ZC3H18: variants seen among roughly 807,000 people sequenced by gnomAD.
The protein encoded by ZC3H18 is zinc finger CCCH domain-containing protein 18.
Under a neutral mutation model 106.1 loss-of-function variants are expected in ZC3H18, and 8 were observed. The ratio of observed to expected loss-of-function variants is 0.08; its 90% CI spans 0.04 to 0.14. ZC3H18 has a LOEUF of 0.14. ZC3H18 is among the 10% of genes least tolerant of loss of function. The probability of loss-of-function intolerance (pLI) is 1.00; values close to 1 mark genes in which losing one functional copy is unlikely to be tolerated. For synonymous variants in ZC3H18, 635 were observed against 522.1 expected (o/e 1.22, Z -2.95); for missense variants, 1,318 against 1,278.4 (o/e 1.03, Z -0.47).
chr16:88,622,368 C>G lies in ZC3H18; in HGVS notation c.1647C>G (p.Ala549=), dbSNP rs1792499373. The G allele has an allele frequency of 1.2e-6, 2 of 1,610,882 alleles. No homozygotes were observed. The highest frequency in any genetic ancestry group is 1.7e-5 in the Admixed American group (1 of 59,678). Residue 549 remains alanine (A), a synonymous_variant, in exon 9 of 18, where the codon GCC becomes GCG. Transcript: ENST00000301011. ...RRRRKTSASS[A]SASNSSRSSS... ...GTCGGAAAACATCAGCCTCGTCAGCCTCTGCCTCTAATTCCTCCAGGTAAG... is the reference window on the plus strand; with the variant it reads ...GTCGGAAAACATCAGCCTCGTCAGCGTCTGCCTCTAATTCCTCCAGGTAAG...
At chr16:88,590,726 A>G (rs2142616319) in intron 3 of ZC3H18, among the ~76,000 whole-genome samples, 1 of 150,850 alleles carries the variant, frequency 6.6e-6, no homozygotes, top group South Asian at 2.1e-4. Flanking sequence ...CCCCCAACTC[A>G]TTTTTGTATT....
intron 1 of ZC3H18, among the ~76,000 whole-genome samples, chr16:88,575,042 G>A (rs1597315921): frequency 6.7e-6 from 1 of 149,316 alleles, no homozygotes; most frequent in South Asian, 2.1e-4. Context: ...TGTTAGCCAG[G>A]ATGGTCTCGA....
rs1915261303 is a variant in ZC3H18, at chr16:88,583,517, TCA to T, written c.604-3080_604-3079del. 2.0e-5 allele frequency among the ~76,000 whole-genome samples: 3 copies of T among 152,238 alleles called. No homozygotes were observed. In the South Asian group the frequency reaches 6.2e-4, roughly 31 times the overall value. ...TGCAGATCAGGTGACCTGTCCACAC[TCA>T]CAGTCATGACAGCCTGGACCCAGGA... On this transcript the variant is annotated intron_variant, in intron 2 of 17. Transcript: ENST00000301011.
rs1277986522 is a variant in ZC3H18, at chr16:88,622,668, A to T, written c.1667+280A>T. On this transcript the variant is annotated intron_variant, in intron 9 of 17. Transcript: ENST00000301011. The stretch of plus-strand genomic sequence containing the variant: ...CACAGGCCACACTGGAGGGAGGGGC[A>T]CCTGGATGCGGGAGGACGCACAGAC... 9.3e-6 allele frequency: 4 copies of T among 430,062 alleles called. No homozygotes were observed. The Admixed American group carries it at 1.2e-4, about 13-fold the overall frequency. 26.6% of individuals were successfully genotyped at this position (430,062 alleles called of 1,614,324 possible). A position where few individuals can be genotyped will look rare whatever the true frequency, so the allele number is the denominator to read the frequency against.
At chr16:88,603,211 C>T (rs1347960166) in intron 6 of ZC3H18, among the ~76,000 whole-genome samples, 1 of 152,184 alleles carries the variant, frequency 6.6e-6, no homozygotes, top group Middle Eastern at 3.4e-3. Context: ...CGTGATCTGC[C>T]TGCCTCGGCC....
At chr16:88,574,827 G>A (rs969661133) in intron 1 of ZC3H18, among the ~76,000 whole-genome samples, 4 of 143,348 alleles carry the variant, frequency 2.8e-5, no homozygotes, top group Non-Finnish European at 4.6e-5. Flanking sequence ...TTGTTCTAAT[G>A]TATCTTTTTT....
At chr16:88,575,639 G>A (rs531804775) in intron 1 of ZC3H18, among the ~76,000 whole-genome samples, 2 of 152,040 alleles carry the variant, frequency 1.3e-5, no homozygotes, top group Non-Finnish European at 2.9e-5. Flanking sequence ...AGGGAAACTC[G>A]AAAATATTAA....
At chr16:88,587,446 T>C (rs1021655563) in intron 3 of ZC3H18, 3 of 1,063,856 alleles carry the variant, frequency 2.8e-6, no homozygotes, top group Non-Finnish European at 1.4e-6. Flanking sequence ...TTTTTCTCTT[T>C]TCTCTTAATT....
At chr16:88,613,035 C>T (rs555177085) in intron 8 of ZC3H18, among the ~76,000 whole-genome samples, 2 of 152,294 alleles carry the variant, frequency 1.3e-5, no homozygotes, top group African/African-American at 2.4e-5. Flanking sequence ...TACCCATCAG[C>T]AGTCACTCTC....
At chr16:88,596,895 A>G (rs1345869473) in intron 3 of ZC3H18, among the ~76,000 whole-genome samples, 4 of 152,120 alleles carry the variant, frequency 2.6e-5, no homozygotes, top group South Asian at 2.1e-4. Flanking sequence ...TGAACCCCCT[A>G]TAGAATAACA....
chr16:88,598,012 C>A (rs1321731298), intron 3 of ZC3H18, among the ~76,000 whole-genome samples, 166 bp from the exon 4 acceptor site: 1 of 152,240 alleles, frequency 6.6e-6, no homozygotes, highest in East Asian at 1.9e-4. Flanking sequence ...CTCAGCCTCT[C>A]CAGGCTCATC....
chr16:88,570,526 C>T lies in ZC3H18; in HGVS notation c.-55C>T, dbSNP rs1022104988. 12 of 152,022 alleles carry T rather than the reference C, an allele frequency of 7.9e-5. No individual in the cohort carries two copies. The highest frequency in any genetic ancestry group is 2.2e-4 in the African/African-American group (9 of 41,416). The allele number at this position is 152,022 out of a possible 1,614,324, so 9.4% of individuals were successfully genotyped here. On this transcript the variant is annotated 5_prime_UTR_variant, in exon 1 of 18. Coordinates refer to ENST00000301011, the MANE Select transcript of ZC3H18 (RefSeq NM_144604.4). ...GGACGTCTTCTCCACGCCGCTCCGA[C>T]TCCAGGGGAGCCGTGGCCTCCTCTC...
chr16:88,622,018 A>G (rs1043036143), intron 8 of ZC3H18, among the ~76,000 whole-genome samples, 179 bp from the exon 9 acceptor site: 5 of 152,174 alleles, frequency 3.3e-5, no homozygotes, highest in African/African-American at 4.8e-5. Context: ...GACATCACCC[A>G]AGTCCATGGG....
intron 6 of ZC3H18, among the ~76,000 whole-genome samples, chr16:88,601,900 GGAAAGAACT>G (rs1267816151): frequency 6.6e-6 from 1 of 152,098 alleles, no homozygotes; most frequent in East Asian, 1.9e-4. Context: ...TAGACACAGT[GGAAAGAACT>G]GTCAGGGTTC....
chr16:88,575,635 A>T (rs865805171), intron 1 of ZC3H18, among the ~76,000 whole-genome samples: 1 of 152,010 alleles, frequency 6.6e-6, no homozygotes, highest in Non-Finnish European at 1.5e-5. Context: ...GAGGAGGGAA[A>T]CTCGAAAATA....
intron 8 of ZC3H18, among the ~76,000 whole-genome samples, chr16:88,617,393 C>A (rs977408059): frequency 1.3e-5 from 2 of 152,212 alleles, no homozygotes; most frequent in Non-Finnish European, 2.9e-5. Flanking sequence ...ATGATTAGAG[C>A]AGAACCTTTC....
chr16:88,597,530 G>C (rs544332941), intron 3 of ZC3H18, among the ~76,000 whole-genome samples: 6 of 152,310 alleles, frequency 3.9e-5, no homozygotes, highest in Non-Finnish European at 8.8e-5. Context: ...AATTGAGTTA[G>C]ACACTTAGAT....
chr16:88,579,016 G>A (rs1393334849), intron 2 of ZC3H18, among the ~76,000 whole-genome samples: 1 of 152,186 alleles, frequency 6.6e-6, no homozygotes, highest in East Asian at 1.9e-4. Flanking sequence ...TAGCATGCTG[G>A]CGTGCGTGCT....
chr16:88,595,317 C>T (rs145084818), intron 3 of ZC3H18, among the ~76,000 whole-genome samples: 1 of 152,214 alleles, frequency 6.6e-6, no homozygotes, highest in Non-Finnish European at 1.5e-5. Context: ...CCTCCTTGTC[C>T]TCTTCTGGCC....
Sources: gnomAD v4.1 joint callset for allele counts (sites outside exome capture counted in the v4.1 genomes callset) on GRCh38, gnomAD v4.1.1 for gene constraint, MANE v1.5 for transcripts, NCBI Gene and HGNC (gene_info 2026-07-23, HGNC 2026-07-21) for gene names.